The following CPEB1 variants were observed in gnomAD, a reference collection of about 807,000 sequenced individuals.
CPEB1 encodes cytoplasmic polyadenylation element binding protein 1, also known as cytoplasmic polyadenylation element-binding protein 1.
Under a neutral mutation model 65.8 loss-of-function variants are expected in CPEB1, and 7 were observed. The observed-to-expected ratio is 0.11, with a 90% CI of 0.06 to 0.20. The LOEUF (loss-of-function observed/expected upper bound fraction) is 0.20. Among genes scored for constraint, CPEB1 ranks in the 10% least tolerant of loss-of-function variants. The probability of loss-of-function intolerance (pLI) is 1.00; values close to 1 mark genes in which losing one functional copy is unlikely to be tolerated. For missense variants in CPEB1, 551 were observed against 712.2 expected (o/e 0.77, Z 2.58); for synonymous variants, 262 against 260.0 (o/e 1.01, Z -0.08).
At chr15:82,635,782 A>G (rs966758911) in intron 1 of CPEB1, among the ~76,000 whole-genome samples, 5 of 152,214 alleles carry the variant, frequency 3.3e-5, no homozygotes, top group Non-Finnish European at 7.3e-5. Context: ...GGGTATCTAA[A>G]ATGGTTTCAC....
chr15:82,553,755 C>T, intron 7 of CPEB1, 123 bp downstream of exon 7: 1 of 786,828 alleles, frequency 1.3e-6, no homozygotes, highest in South Asian at 1.5e-5. Flanking sequence ...TCCCCTCAGA[C>T]ACTCATGTAA....
intron 1 of CPEB1, among the ~76,000 whole-genome samples, chr15:82,634,301 T>C (rs1027516053): frequency 1.3e-5 from 2 of 152,170 alleles, no homozygotes; most frequent in Non-Finnish European, 2.9e-5. Flanking sequence ...TATTTATTTG[T>C]ATAGAAGAAA....
intron 10 of CPEB1, 51 bp from the exon 11 acceptor site, chr15:82,547,288 A>AATTTTTT: frequency 1.6e-6 from 1 of 642,708 alleles, no homozygotes; most frequent in Non-Finnish European, 2.3e-6. Context: ...CCCAAATGCT[A>AATTTTTT]CTTTTTTTTT....
chr15:82,612,195 G>C (rs969355385), intron 3 of CPEB1, among the ~76,000 whole-genome samples: 4 of 152,030 alleles, frequency 2.6e-5, no homozygotes, highest in African/African-American at 9.7e-5. Context: ...GCAAAACTTA[G>C]AAGACGGAAT....
chr15:82,552,202 G>T (rs2036378499), intron 9 of CPEB1, among the ~76,000 whole-genome samples: 1 of 151,868 alleles, frequency 6.6e-6, no homozygotes, highest in African/African-American at 2.4e-5. Context: ...TTGGCTACAA[G>T]AAAGAAGAGC....
intron 1 of CPEB1, among the ~76,000 whole-genome samples, chr15:82,644,402 T>C (rs1373739119): frequency 6.6e-6 from 1 of 152,194 alleles, no homozygotes; most frequent in Non-Finnish European, 1.5e-5. Flanking sequence ...CTTAACAGCC[T>C]TGTGACTTGA....
intron 1 of CPEB1, among the ~76,000 whole-genome samples, chr15:82,630,402 C>T (rs1387816497): frequency 6.6e-6 from 1 of 152,096 alleles, no homozygotes; most frequent in Non-Finnish European, 1.5e-5. Context: ...GGCAGGAGCT[C>T]AAAACCAGCC....
At chr15:82,648,134 A>C (rs2047734419), upstream of CPEB1, 2 of 352,376 alleles carry the variant, frequency 5.7e-6, no homozygotes, top group Admixed American at 9.5e-5. Context: ...TCCGCCGCCC[A>C]CCCGGAACCC....
intron 1 of CPEB1, among the ~76,000 whole-genome samples, chr15:82,646,188 G>A (rs1382301882): frequency 1.3e-5 from 2 of 152,166 alleles, no homozygotes; most frequent in East Asian, 1.9e-4. Flanking sequence ...ATGAGCCTCA[G>A]GGTGCAAACT....
chr15:82,642,595 A>T (rs1326385608), intron 1 of CPEB1, among the ~76,000 whole-genome samples: 1 of 152,196 alleles, frequency 6.6e-6, no homozygotes, highest in Non-Finnish European at 1.5e-5. Context: ...GAAACGGTAA[A>T]GGGTGCAATC....
intron 4 of CPEB1, among the ~76,000 whole-genome samples, chr15:82,561,635 AC>A (rs2038227330): frequency 6.6e-6 from 1 of 152,102 alleles, no homozygotes; most frequent in Non-Finnish European, 1.5e-5. Context: ...AGCACTACAG[AC>A]CCCTTTCCTC....
chr15:82,598,479 ACT>A (rs1051616511), intron 3 of CPEB1, among the ~76,000 whole-genome samples: 2 of 150,446 alleles, frequency 1.3e-5, no homozygotes, highest in South Asian at 4.2e-4. Context: ...ACAGAGCAAA[ACT>A]CTGTCTCAAA....
At chr15:82,577,917 G>A (rs530834867) in intron 3 of CPEB1, among the ~76,000 whole-genome samples, 2 of 152,196 alleles carry the variant, frequency 1.3e-5, no homozygotes, top group African/African-American at 4.8e-5. Context: ...GAGGCAGGTG[G>A]ATCACGAGGT....
chr15:82,609,906 C>G (rs1031943132), intron 3 of CPEB1, among the ~76,000 whole-genome samples: 4 of 151,454 alleles, frequency 2.6e-5, no homozygotes, highest in Non-Finnish European at 4.4e-5. Context: ...ACTAAAAATA[C>G]AAAATTAGCC....
intron 3 of CPEB1, among the ~76,000 whole-genome samples, chr15:82,621,942 C>T (rs2045340166): frequency 6.6e-6 from 1 of 152,182 alleles, no homozygotes. Context: ...GAAACTGCTC[C>T]TCCAATCATT....
intron 4 of CPEB1, among the ~76,000 whole-genome samples, chr15:82,564,598 A>G (rs1044534660): frequency 1.3e-5 from 2 of 152,130 alleles, no homozygotes; most frequent in African/African-American, 4.8e-5. Flanking sequence ...CAGCCTAAGG[A>G]CACAATGTTG....
intron 3 of CPEB1, among the ~76,000 whole-genome samples, chr15:82,574,554 C>A (rs775688494): frequency 1.3e-5 from 2 of 151,602 alleles, no homozygotes; most frequent in African/African-American, 2.4e-5. Context: ...CCTGTCTCTA[C>A]TAAAAATACA....
chr15:82,634,095 T>C (rs915947195), intron 1 of CPEB1, among the ~76,000 whole-genome samples: 1 of 152,164 alleles, frequency 6.6e-6, no homozygotes, highest in Non-Finnish European at 1.5e-5. Context: ...TATTAAATTA[T>C]ATCACTGTTA....
intron 3 of CPEB1, among the ~76,000 whole-genome samples, chr15:82,580,545 C>A (rs2041179136): frequency 6.6e-6 from 1 of 152,102 alleles, no homozygotes; most frequent in Non-Finnish European, 1.5e-5. Context: ...ATTTACCACT[C>A]TAACCATTTT....
Sources: gnomAD v4.1 joint callset for allele counts (sites outside exome capture counted in the v4.1 genomes callset) on GRCh38, gnomAD v4.1.1 for gene constraint, MANE v1.5 for transcripts, NCBI Gene and HGNC (gene_info 2026-07-23, HGNC 2026-07-21) for gene names.